Variants in KDM3A observed in about 807,000 individuals in gnomAD.
KDM3A encodes lysine demethylase 3A.
In KDM3A, 60 loss-of-function variants were observed where a neutral mutation model predicts 158.0. The ratio of observed to expected loss-of-function variants is 0.38; its 90% CI spans 0.31 to 0.47. The LOEUF (loss-of-function observed/expected upper bound fraction) is 0.47. Among genes scored for constraint, KDM3A ranks in the 20% least tolerant of loss-of-function variants. KDM3A has a pLI of 0.99. For missense variants in KDM3A, 1,319 were observed against 1,574.3 expected (o/e 0.84, Z 2.74); for synonymous variants, 608 against 549.3 (o/e 1.11, Z -1.49).
chr2:86,474,663 CAAA>C (rs765315792), intron 11 of KDM3A, 110 bp from the exon 12 acceptor site: 1,147 of 420,208 alleles, frequency 2.7e-3, no homozygotes, highest in South Asian at 3.1e-3. Flanking sequence ...GACTCCATCC[CAAA>C]AAAAAAAAAA....
At chr2:86,490,617 T>C in intron 23 of KDM3A, 1 of 292,240 alleles carries the variant, frequency 3.4e-6, no homozygotes, top group Non-Finnish European at 6.4e-6. Context: ...TAGACTAAAA[T>C]ATTGTTTAAA....
intron 8 of KDM3A, among the ~76,000 whole-genome samples, chr2:86,458,150 G>C (rs1244062781): frequency 6.6e-6 from 1 of 152,138 alleles, no homozygotes; most frequent in Non-Finnish European, 1.5e-5. Context: ...ATAAATCTGG[G>C]TTTCTTGATT....
At chr2:86,456,320 C>T (rs969150649) in intron 5 of KDM3A, 122 bp from the exon 6 acceptor site, 6 of 700,038 alleles carry the variant, frequency 8.6e-6, no homozygotes, top group Non-Finnish European at 1.1e-5. Flanking sequence ...TGTAGTGATT[C>T]TTTTAATGTT....
chr2:86,441,986 C>T (rs1573130308), intron 1 of KDM3A, 32 bp from the exon 2 acceptor site: 4 of 1,583,748 alleles, frequency 2.5e-6, no homozygotes, highest in East Asian at 2.3e-5. Context: ...CACCGGCCGC[C>T]CCCGTCGCAT....
intron 10 of KDM3A, chr2:86,467,365 ACAGGTAGCTAAGATTTG>A (rs1673199505): frequency 6.5e-6 from 1 of 152,926 alleles, no homozygotes; most frequent in Admixed American, 6.5e-5. Flanking sequence ...GTGATCTGTG[ACAGGTAGCTAAGATTTG>A]AAATTTTAGA....
chr2:86,457,450 T>A (rs1414654629), intron 8 of KDM3A, among the ~76,000 whole-genome samples: 1 of 152,180 alleles, frequency 6.6e-6, no homozygotes, highest in Admixed American at 6.5e-5. Flanking sequence ...CGTGGCAAAT[T>A]TTTTTAGTGT....
At chr2:86,461,521 G>T (rs1672929362) in intron 8 of KDM3A, among the ~76,000 whole-genome samples, 1 of 152,148 alleles carries the variant, frequency 6.6e-6, no homozygotes, top group Non-Finnish European at 1.5e-5. Context: ...GGTTTTATGA[G>T]GTTATAACAG....
At chr2:86,483,935 TG>T in intron 18 of KDM3A, 51 bp from the exon 19 acceptor site, 1 of 1,452,848 alleles carries the variant, frequency 6.9e-7, no homozygotes, top group Non-Finnish European at 9.4e-7. Context: ...CCTTCGGGAG[TG>T]GGGACAGAGC....
intron 2 of KDM3A, among the ~76,000 whole-genome samples, chr2:86,445,815 G>A (rs903869821): frequency 1.3e-5 from 2 of 152,126 alleles, no homozygotes; most frequent in Non-Finnish European, 2.9e-5. Context: ...TGGGATCTTC[G>A]ACAAACATTT....
chr2:86,463,992 C>T, intron 8 of KDM3A, 61 bp from the exon 9 acceptor site: 3 of 1,227,130 alleles, frequency 2.4e-6, no homozygotes, highest in Non-Finnish European at 2.2e-6. Context: ...AATTTGGTAG[C>T]ATTTTATTAT....
intron 22 of KDM3A, 33 bp downstream of exon 22, chr2:86,489,470 C>G (rs772051816): frequency 4.3e-6 from 7 of 1,612,402 alleles, no homozygotes; most frequent in East Asian, 2.2e-5. Flanking sequence ...AGGGCTTACT[C>G]TTTGAGCCAG....
intron 21 of KDM3A, among the ~76,000 whole-genome samples, chr2:86,486,218 TCTG>T (rs982837733): frequency 2.6e-5 from 4 of 152,260 alleles, no homozygotes; most frequent in African/African-American, 9.6e-5. Flanking sequence ...TTTAGGTCAA[TCTG>T]CTGGCATTCT....
chr2:86,442,458 T>G (rs550048616), intron 2 of KDM3A: 54 of 496,172 alleles, frequency 1.1e-4, no homozygotes, highest in Middle Eastern at 1.1e-3. Flanking sequence ...GGGCTTAGGG[T>G]TGTTCAGACA....
chr2:86,485,805 C>T lies in KDM3A; in HGVS notation c.3259C>T (p.Leu1087=), dbSNP rs1351374098. 2.5e-6 allele frequency: 4 copies of T among 1,614,136 alleles called. No individual in the cohort carries two copies. The highest frequency in any genetic ancestry group is 2.2e-5 in the East Asian group (1 of 44,878). Residue 1087 remains leucine (L), a synonymous_variant, in exon 21 of 26, where the codon CTG becomes TTG. Transcript: ENST00000312912. ...TGGCAAACTGAATTTGGCCTCTAGG[C>T]TGCCAAACTACTTTGTTCGGCCAGA... The part of the protein sequence containing the change: ...RDGKLNLASR[L]PNYFVRPDLG...
chr2:86,477,733 T>G, intron 12 of KDM3A, 144 bp from the exon 13 acceptor site: 1 of 689,010 alleles, frequency 1.5e-6, no homozygotes, highest in Non-Finnish European at 2.4e-6. Flanking sequence ...CTTCATGGGG[T>G]GGAGGACAGC....
chr2:86,458,851 C>T (rs1672812652), intron 8 of KDM3A, among the ~76,000 whole-genome samples: 1 of 151,996 alleles, frequency 6.6e-6, no homozygotes, highest in South Asian at 2.1e-4. Flanking sequence ...AGGAGATTGA[C>T]TTAAGCTCTG....
chr2:86,481,931 AAAAC>A lies in KDM3A; in HGVS notation c.2517_2520del (p.Lys839AsnfsTer7). The stretch of plus-strand genomic sequence containing the variant: ...CTGGATGTTTTGGTTTTATTTTAGA[AAAAC>A]AACCAACAATGCCAATTTTAAAGAA... On this transcript the variant is annotated frameshift_variant and splice_region_variant, in exon 17 of 26. Coordinates refer to ENST00000312912, the MANE Select transcript of KDM3A (RefSeq NM_018433.6). LOFTEE classifies it high-confidence loss of function. 1 of 1,608,368 alleles carries A rather than the reference AAAAC, an allele frequency of 6.2e-7. No individual in the cohort carries two copies. Among genetic ancestry groups the A allele is most frequent in the Non-Finnish European group, 8.5e-7 (1 of 1,177,346 alleles).
rs749161787 is a variant in KDM3A, at chr2:86,478,582, G to C, written c.2189-26G>C. On this transcript the variant is annotated intron_variant, in intron 14 of 25. Coordinates refer to ENST00000312912, the MANE Select transcript of KDM3A (RefSeq NM_018433.6). ...TGAAAGTTCCTAATATCCTTGTTCA[G>C]ATGTTTGCCTCTGCCCTTTCTTTAG... is the stretch of plus-strand genomic sequence containing the variant. 1.4e-5 allele frequency: 22 copies of C among 1,612,490 alleles called. No homozygotes were observed. The South Asian group carries it at 1.9e-4, about 14-fold the overall frequency.
At chr2:86,441,554 C>A (rs1388033676) in intron 1 of KDM3A, 110 bp downstream of exon 1, 1 of 151,166 alleles carries the variant, frequency 6.6e-6, no homozygotes. Context: ...AGACGGGCGC[C>A]CGGGGTTCGG....
Sources: gnomAD v4.1 joint callset for allele counts (sites outside exome capture counted in the v4.1 genomes callset) on GRCh38, gnomAD v4.1.1 for gene constraint, MANE v1.5 for transcripts, NCBI Gene and HGNC (gene_info 2026-07-23, HGNC 2026-07-21) for gene names.